Variants in MYO1D observed in about 807,000 individuals in gnomAD.
MYO1D encodes myosin ID.
In MYO1D, 83 loss-of-function variants were observed where a neutral mutation model predicts 122.0. The observed-to-expected ratio is 0.68, with a 90% CI of 0.57 to 0.82. The LOEUF (loss-of-function observed/expected upper bound fraction) is 0.82. Among genes scored for constraint, MYO1D ranks in the 40% least tolerant of loss-of-function variants. The probability of loss-of-function intolerance (pLI) is 0.00; values close to 1 mark genes in which losing one functional copy is unlikely to be tolerated. For synonymous variants in MYO1D, 464 were observed against 446.9 expected (o/e 1.04, Z -0.48); for missense variants, 1,157 against 1,269.5 (o/e 0.91, Z 1.35).
Position 32,654,571 on chromosome 17 carries a change from T to C in MYO1D, c.2396A>G (p.Gln799Arg). Reference sequence around the variant, plus strand: ...CACGGCTGCAACCTTTGCCCTGACCTGGGGCAGGTCTGAGGCCGGAATGCT... The same window carrying C: ...CACGGCTGCAACCTTTGCCCTGACCCGGGGCAGGTCTGAGGCCGGAATGCT... ...IKSIPASDLP[Q>R]VRAKVAAVEM... Residue 799 changes from glutamine (Q) to arginine (R), a missense_variant, in exon 18 of 22, where the codon CAG becomes CGG. Physicochemically the swap from Gln to Arg is conservative, Grantham distance 43. Coordinates refer to ENST00000318217, the MANE Select transcript of MYO1D (RefSeq NM_015194.3). 1 of 1,613,896 alleles carries C rather than the reference T, an allele frequency of 6.2e-7. No individual in the cohort carries two copies. The highest frequency in any genetic ancestry group is 8.5e-7 in the Non-Finnish European group (1 of 1,179,870).
intron 1 of MYO1D, among the ~76,000 whole-genome samples, chr17:32,825,287 AT>A (rs924719266): frequency 6.6e-6 from 1 of 151,758 alleles, no homozygotes. Flanking sequence ...TTTTTTCTTT[AT>A]CTTATTTTAT....
chr17:32,778,377 G>A (rs917018647), intron 3 of MYO1D, 103 bp downstream of exon 3: 9 of 1,073,896 alleles, frequency 8.4e-6, no homozygotes, highest in Middle Eastern at 4.4e-4. Flanking sequence ...CAGCCCATAG[G>A]TTTAGACCCC....
intron 16 of MYO1D, among the ~76,000 whole-genome samples, chr17:32,701,032 A>G (rs1300805189): frequency 6.6e-6 from 1 of 152,030 alleles, no homozygotes; most frequent in Non-Finnish European, 1.5e-5. Flanking sequence ...TACATCATTA[A>G]CTAAAGCTGA....
chr17:32,850,363 A>G (rs2090975713), intron 1 of MYO1D, among the ~76,000 whole-genome samples: 1 of 152,346 alleles, frequency 6.6e-6, no homozygotes, highest in South Asian at 2.1e-4. Context: ...ACAATTGCCC[A>G]TCCTCCAACA....
intron 21 of MYO1D, among the ~76,000 whole-genome samples, chr17:32,554,583 A>T (rs2087051918): frequency 6.6e-6 from 1 of 152,234 alleles, no homozygotes; most frequent in African/African-American, 2.4e-5. Context: ...GGCTAAAGGA[A>T]AGGACAGAAT....
chr17:32,542,852 C>T (rs1202092251), intron 21 of MYO1D, among the ~76,000 whole-genome samples: 1 of 152,094 alleles, frequency 6.6e-6, no homozygotes, highest in East Asian at 1.9e-4. Flanking sequence ...GGGTGGGACA[C>T]TTTGGGGAGC....
At chr17:32,654,995 A>T (rs1376584952) in intron 17 of MYO1D, among the ~76,000 whole-genome samples, 1 of 152,218 alleles carries the variant, frequency 6.6e-6, no homozygotes. Context: ...ATTCTCAAAA[A>T]TAACTGAAGC....
intron 14 of MYO1D, among the ~76,000 whole-genome samples, chr17:32,736,388 AG>A (rs2089701154): frequency 6.6e-6 from 1 of 152,216 alleles, no homozygotes; most frequent in Non-Finnish European, 1.5e-5. Flanking sequence ...TCAAACTTCC[AG>A]GAAGTCTCTT....
chr17:32,818,120 C>T (rs1222144516), intron 1 of MYO1D, among the ~76,000 whole-genome samples: 6 of 46,006 alleles, frequency 1.3e-4, no homozygotes, highest in Non-Finnish European at 2.7e-4. Context: ...AGCGAGACTC[C>T]GTCTCAAAAA....
At chr17:32,602,770 TC>T (rs1411282296) in intron 21 of MYO1D, 1 of 152,120 alleles carries the variant, frequency 6.6e-6, no homozygotes, top group Non-Finnish European at 1.5e-5. Context: ...TGAAGTTAAT[TC>T]CCTCCCGAAC....
intron 19 of MYO1D, among the ~76,000 whole-genome samples, chr17:32,646,336 C>T (rs1016523163): frequency 1.3e-5 from 2 of 151,950 alleles, no homozygotes; most frequent in Non-Finnish European, 2.9e-5. Context: ...AAATAGGCAC[C>T]AAATAATAGC....
chr17:32,679,351 T>A (rs1413291044), intron 16 of MYO1D, among the ~76,000 whole-genome samples: 3 of 152,032 alleles, frequency 2.0e-5, no homozygotes, highest in African/African-American at 7.3e-5. Flanking sequence ...ATGTCCTGAA[T>A]GGTAATGCCT....
At chr17:32,610,701 C>T (rs562760880) in intron 20 of MYO1D, among the ~76,000 whole-genome samples, 14 of 152,246 alleles carry the variant, frequency 9.2e-5, no homozygotes, top group African/African-American at 2.2e-4. Flanking sequence ...CCTCTGTCTT[C>T]GAGGGTCTTA....
At chr17:32,600,549 C>T (rs1361194117) in intron 21 of MYO1D, among the ~76,000 whole-genome samples, 2 of 152,210 alleles carry the variant, frequency 1.3e-5, no homozygotes, top group African/African-American at 2.4e-5. Context: ...TGCTGCTTCA[C>T]CTTGCACTTT....
Position 32,494,563 on chromosome 17 carries a change from G to A in MYO1D, c.*196C>T, listed in dbSNP as rs1909015815. The stretch of plus-strand genomic sequence containing the variant: ...ACCAGGGTCTTTGGCTTATTGAACA[G>A]GGACCGTGGACAGTAAGGACAGAGG... On this transcript the variant is annotated 3_prime_UTR_variant, in exon 22 of 22. Coordinates refer to ENST00000318217, the MANE Select transcript of MYO1D (RefSeq NM_015194.3). 1 of 697,060 alleles carries A rather than the reference G, an allele frequency of 1.4e-6. No homozygotes were observed. Among genetic ancestry groups the A allele is most frequent in the South Asian group, 1.9e-5 (1 of 51,292 alleles). The allele number at this position is 697,060 out of a possible 1,614,324, so 43.2% of individuals were successfully genotyped here.
At chr17:32,777,874 C>A (rs2090193409) in intron 3 of MYO1D, among the ~76,000 whole-genome samples, 1 of 152,082 alleles carries the variant, frequency 6.6e-6, no homozygotes, top group South Asian at 2.1e-4. Context: ...GCGGAGCTTG[C>A]AGTGAGCTGA....
chr17:32,829,383 G>A (rs1294930551), intron 1 of MYO1D, among the ~76,000 whole-genome samples: 1 of 152,258 alleles, frequency 6.6e-6, no homozygotes, highest in Non-Finnish European at 1.5e-5. Flanking sequence ...CTCTGGCTTT[G>A]CAGCCAGACC....
chr17:32,700,052 TA>T, intron 16 of MYO1D, among the ~76,000 whole-genome samples: 1 of 152,160 alleles, frequency 6.6e-6, no homozygotes, highest in Non-Finnish European at 1.5e-5. Flanking sequence ...GGAAATGATT[TA>T]AAAAAATTTT....
chr17:32,638,505 T>C (rs2088139454), intron 20 of MYO1D, among the ~76,000 whole-genome samples: 1 of 152,232 alleles, frequency 6.6e-6, no homozygotes, highest in Admixed American at 6.5e-5. Context: ...GAATCAGTAG[T>C]CCTTACACTT....
Sources: allele counts gnomAD v4.1 joint callset (sites outside exome capture counted in the v4.1 genomes callset), GRCh38; gene constraint gnomAD v4.1.1; transcripts MANE v1.5; gene names NCBI Gene and HGNC (gene_info 2026-07-23, HGNC 2026-07-21).